ATP13A5: variants seen among roughly 807,000 people sequenced by gnomAD.
ATP13A5 encodes probable cation-transporting ATPase 13A5.
A neutral mutation model predicts 150.2 loss-of-function variants in ATP13A5; 149 were observed. The observed-to-expected ratio is 0.99, with a 90% CI of 0.87 to 1.14. ATP13A5 has a LOEUF of 1.14. ATP13A5 is among the 50% of genes most tolerant of loss of function. The probability of loss-of-function intolerance (pLI) is 0.00; values close to 1 mark genes in which losing one functional copy is unlikely to be tolerated. For missense variants in ATP13A5, 1,383 were observed against 1,449.3 expected (o/e 0.95, Z 0.74); for synonymous variants, 497 against 522.2 (o/e 0.95, Z 0.66).
At chr3:193,293,492 C>T (rs1401800629) in intron 25 of ATP13A5, among the ~76,000 whole-genome samples, 1 of 152,114 alleles carries the variant, frequency 6.6e-6, no homozygotes, top group African/African-American at 2.4e-5. Flanking sequence ...TGTGAGCTCC[C>T]TGAAGGAAGA....
intron 28 of ATP13A5, among the ~76,000 whole-genome samples, chr3:193,278,935 G>A (rs1301346055): frequency 1.3e-5 from 2 of 152,100 alleles, no homozygotes; most frequent in African/African-American, 4.8e-5. Context: ...TATATCCACT[G>A]ATATAAAACT....
At chr3:193,333,405 C>G (rs1250309790) in intron 11 of ATP13A5, among the ~76,000 whole-genome samples, 4 of 152,182 alleles carry the variant, frequency 2.6e-5, no homozygotes, top group Non-Finnish European at 4.4e-5. Flanking sequence ...CCCTCCCTAG[C>G]CACCAGGCTA....
chr3:193,286,319 C>T (rs1717720819), intron 26 of ATP13A5, among the ~76,000 whole-genome samples: 1 of 145,544 alleles, frequency 6.9e-6, no homozygotes, highest in African/African-American at 2.4e-5. Flanking sequence ...TACAGGCACA[C>T]TTTGCTTTAT....
chr3:193,354,041 A>G, intron 6 of ATP13A5, 86 bp downstream of exon 6: 1 of 1,084,120 alleles, frequency 9.2e-7, no homozygotes. Context: ...CATTCACATC[A>G]AAGTATTTAT....
intron 9 of ATP13A5, among the ~76,000 whole-genome samples, chr3:193,342,457 A>G (rs1425490670): frequency 6.6e-6 from 1 of 152,164 alleles, no homozygotes; most frequent in Non-Finnish European, 1.5e-5. Context: ...AAAAAGAAAT[A>G]ATGTATTTTT....
intron 25 of ATP13A5, among the ~76,000 whole-genome samples, chr3:193,291,406 C>T (rs1176786795): frequency 3.3e-5 from 5 of 152,062 alleles, no homozygotes; most frequent in African/African-American, 4.8e-5. Flanking sequence ...TGGGATGTAT[C>T]CTCTAAATCT....
intron 7 of ATP13A5, among the ~76,000 whole-genome samples, chr3:193,349,031 T>C (rs1712461948): frequency 6.6e-6 from 1 of 152,214 alleles, no homozygotes; most frequent in Non-Finnish European, 1.5e-5. Flanking sequence ...TAATTTGCCA[T>C]GTCCCATACA....
At chr3:193,316,985 A>G (rs928947663) in intron 17 of ATP13A5, among the ~76,000 whole-genome samples, 20 of 152,346 alleles carry the variant, frequency 1.3e-4, no homozygotes, top group East Asian at 1.9e-4. Flanking sequence ...TTTCATGGCT[A>G]TGACACATAA....
intron 23 of ATP13A5, among the ~76,000 whole-genome samples, chr3:193,301,747 G>C (rs1718403124): frequency 6.6e-6 from 1 of 152,120 alleles, no homozygotes; most frequent in Admixed American, 6.6e-5. Context: ...GTGTGCTTTA[G>C]AGGTCCTTGG....
intron 9 of ATP13A5, among the ~76,000 whole-genome samples, 197 bp downstream of exon 9, chr3:193,343,730 T>C (rs751117461): frequency 6.6e-6 from 1 of 152,228 alleles, no homozygotes; most frequent in Non-Finnish European, 1.5e-5. Flanking sequence ...ATTTCACATT[T>C]ATTGTGACTT....
At chr3:193,344,572 T>G (rs1316670358) in intron 8 of ATP13A5, among the ~76,000 whole-genome samples, 2 of 152,216 alleles carry the variant, frequency 1.3e-5, no homozygotes, top group Non-Finnish European at 2.9e-5. Context: ...AGGTTCCAGA[T>G]GGCAGTTCAA....
chr3:193,335,853 C>G (rs1711837603), intron 9 of ATP13A5, among the ~76,000 whole-genome samples: 1 of 152,022 alleles, frequency 6.6e-6, no homozygotes. Context: ...TTTTATTGGC[C>G]CCCATTCTTT....
chr3:193,312,129 G>A (rs1196959509), intron 19 of ATP13A5, among the ~76,000 whole-genome samples, 188 bp from the exon 20 acceptor site: 1 of 152,178 alleles, frequency 6.6e-6, no homozygotes, highest in East Asian at 1.9e-4. Flanking sequence ...CCAAGATTAT[G>A]TAAACATATG....
At chr3:193,353,717 C>G (rs898380595) in intron 6 of ATP13A5, among the ~76,000 whole-genome samples, 1 of 152,148 alleles carries the variant, frequency 6.6e-6, no homozygotes, top group African/African-American at 2.4e-5. Flanking sequence ...GTCTGCACGC[C>G]CAGAAATGGG....
intron 7 of ATP13A5, among the ~76,000 whole-genome samples, chr3:193,347,960 C>G (rs78112049): frequency 6.6e-6 from 1 of 152,276 alleles, no homozygotes; most frequent in East Asian, 1.9e-4. Flanking sequence ...AAGAAAGGCA[C>G]CATGTACATT....
chr3:193,340,325 G>A (rs555650897), intron 9 of ATP13A5, among the ~76,000 whole-genome samples: 5 of 152,254 alleles, frequency 3.3e-5, no homozygotes, highest in East Asian at 3.9e-4. Context: ...ACACCAATAC[G>A]CAACACAGTA....
chr3:193,282,562 A>C (rs1325234389), intron 27 of ATP13A5, among the ~76,000 whole-genome samples: 2 of 152,152 alleles, frequency 1.3e-5, no homozygotes, highest in Non-Finnish European at 2.9e-5. Flanking sequence ...TATTTAGCAG[A>C]GATGGGGTTT....
rs1286836823 is a variant in ATP13A5 at position 193,368,024 on chromosome 3, A to C, written c.64-3744T>G. Among the ~76,000 whole-genome samples the C allele has an allele frequency of 2.6e-5, 4 of 151,996 alleles. No homozygotes were observed. In the East Asian group the frequency reaches 5.8e-4, roughly 22 times the overall value. Reference sequence around the variant, plus strand: ...AGGGGAGGGGAGGGGAAGGGAGGGGAATAACAATTGAAAACAAGAACTAAA... The same window carrying C: ...AGGGGAGGGGAGGGGAAGGGAGGGGCATAACAATTGAAAACAAGAACTAAA... On this transcript the variant is annotated intron_variant, in intron 1 of 29. Transcript: ENST00000342358.
Position 193,303,889 on chromosome 3 carries a change from A to G in ATP13A5, c.2678+1670T>C, listed in dbSNP as rs571574230. Among the ~76,000 whole-genome samples the G allele has an allele frequency of 2.7e-5, 4 of 150,902 alleles. No homozygotes were observed. In the East Asian group the frequency reaches 7.7e-4, roughly 29 times the overall value. On this transcript the variant is annotated intron_variant, in intron 23 of 29. Coordinates refer to ENST00000342358, the MANE Select transcript of ATP13A5 (RefSeq NM_198505.4). The stretch of plus-strand genomic sequence containing the variant: ...TAAATATATGTAACATGTTACACAT[A>G]TACATACACATACACACACACACAC...
Sources: allele counts gnomAD v4.1 joint callset (sites outside exome capture counted in the v4.1 genomes callset), GRCh38; gene constraint gnomAD v4.1.1; transcripts MANE v1.5; gene names NCBI Gene and HGNC (gene_info 2026-07-23, HGNC 2026-07-21).